Variants in NR1H4 observed in about 807,000 individuals in gnomAD.
The protein encoded by NR1H4 is nuclear receptor subfamily 1 group H member 4.
A neutral mutation model predicts 58.5 loss-of-function variants in NR1H4; 23 were observed. The observed-to-expected ratio is 0.39, with a 90% CI of 0.28 to 0.56. The LOEUF is 0.56. Among genes scored for constraint, NR1H4 ranks in the 20% least tolerant of loss-of-function variants. The pLI is 0.58. For missense variants in NR1H4, 487 were observed against 576.9 expected, an observed-to-expected ratio of 0.84 and a Z score of 1.60; for synonymous variants, 214 against 198.0, an observed-to-expected ratio of 1.08 and a Z score of -0.68.
At chr12:100,549,710 TATA>T (rs1445044719) in intron 9 of NR1H4, among the ~76,000 whole-genome samples, 1 of 152,184 alleles carries the variant, frequency 6.6e-6, no homozygotes, top group Non-Finnish European at 1.5e-5. Flanking sequence ...GTTTCTAGTT[TATA>T]ATAAGATACT....
At chr12:100,560,774 T>C (rs1438018209) in intron 9 of NR1H4, among the ~76,000 whole-genome samples, 3 of 152,118 alleles carry the variant, frequency 2.0e-5, no homozygotes, top group Non-Finnish European at 4.4e-5. Context: ...GCAACTGCAG[T>C]AATCCAGAGG....
intron 4 of NR1H4, among the ~76,000 whole-genome samples, chr12:100,517,543 T>C (rs186962983): frequency 2.0e-5 from 3 of 152,330 alleles, no homozygotes; most frequent in African/African-American, 7.2e-5. Context: ...TGTGGAGATA[T>C]ACCCTGTGGT....
At chr12:100,561,283 A>G (rs1955466611) in intron 9 of NR1H4, among the ~76,000 whole-genome samples, 1 of 152,168 alleles carries the variant, frequency 6.6e-6, no homozygotes, top group Non-Finnish European at 1.5e-5. Context: ...CTGTAGTCCC[A>G]GCTACTGGGG....
In NR1H4 at chr12:100,532,486, C is replaced by T. The variant is rs143504528; in HGVS notation, c.474C>T (p.Asn158=). The T allele has an allele frequency of 9.1e-5, 147 of 1,614,046 alleles. No homozygotes were observed. In the African/African-American group the frequency reaches 9.2e-4, roughly 10 times the overall value. ...TCTTCAGGAGAAGCATTACCAAAAA[C>T]GCTGTGTACAAGTGTAAAAACGGGG... ...KGFFRRSITK[N]AVYKCKNGGN... is the part of the protein sequence containing the mutation. The change falls in exon 5 of 11, where the codon AAC becomes AAT. Residue 158 remains asparagine (N), a synonymous_variant. Coordinates refer to ENST00000392986, the MANE Select transcript of NR1H4 (RefSeq NM_001206979.2).
At chr12:100,518,705 T>A (rs548085488) in intron 4 of NR1H4, among the ~76,000 whole-genome samples, 8 of 151,598 alleles carry the variant, frequency 5.3e-5, no homozygotes, top group African/African-American at 1.9e-4. Flanking sequence ...TATATTTCAG[T>A]AAGCTATACT....
At chr12:100,490,155 A>G (rs1170507037) in intron 1 of NR1H4, among the ~76,000 whole-genome samples, 1 of 152,244 alleles carries the variant, frequency 6.6e-6, no homozygotes, top group Non-Finnish European at 1.5e-5. Flanking sequence ...AGATAATTTA[A>G]TAGAGCCAAC....
intron 5 of NR1H4, among the ~76,000 whole-genome samples, chr12:100,533,849 G>C (rs1954750209): frequency 1.3e-5 from 2 of 151,924 alleles, no homozygotes; most frequent in South Asian, 4.1e-4. Context: ...ACGTTAAATG[G>C]GATGAAGGGA....
chr12:100,547,369 A>G (rs937352308), intron 9 of NR1H4, among the ~76,000 whole-genome samples: 3 of 152,162 alleles, frequency 2.0e-5, no homozygotes, highest in African/African-American at 7.2e-5. Context: ...GACTTCATCC[A>G]CATGATCCAC....
intron 9 of NR1H4, among the ~76,000 whole-genome samples, 193 bp from the exon 10 acceptor site, chr12:100,561,692 T>C (rs1309758184): frequency 6.6e-6 from 1 of 152,238 alleles, no homozygotes; most frequent in Non-Finnish European, 1.5e-5. Flanking sequence ...TTTGGCTATA[T>C]TTTGAGAATT....
intron 9 of NR1H4, among the ~76,000 whole-genome samples, chr12:100,559,870 C>A (rs1384395229): frequency 6.6e-6 from 1 of 152,222 alleles, no homozygotes; most frequent in African/African-American, 2.4e-5. Flanking sequence ...CGTGGAGAGT[C>A]TTTATATCTA....
chr12:100,532,396 C>T, intron 4 of NR1H4, 62 bp from the exon 5 acceptor site: 3 of 1,571,114 alleles, frequency 1.9e-6, no homozygotes, highest in Non-Finnish European at 2.6e-6. Flanking sequence ...TCAATCCAAA[C>T]CTGTTTTTTT....
intron 1 of NR1H4, among the ~76,000 whole-genome samples, chr12:100,481,138 G>A (rs1346767191): frequency 6.6e-6 from 1 of 152,122 alleles, no homozygotes; most frequent in Non-Finnish European, 1.5e-5. Flanking sequence ...CAGACTTTGT[G>A]CATTGATGAG....
chr12:100,503,392 T>C, intron 3 of NR1H4: 1 of 1,596,816 alleles, frequency 6.3e-7, no homozygotes, highest in East Asian at 2.2e-5. Context: ...CTAAGAATGG[T>C]AATGCAGTTT....
intron 9 of NR1H4, among the ~76,000 whole-genome samples, chr12:100,556,105 T>A (rs536972236): frequency 6.6e-6 from 1 of 152,286 alleles, no homozygotes; most frequent in African/African-American, 2.4e-5. Flanking sequence ...GGAAGACTGT[T>A]TTTTAAAAAA....
chr12:100,524,218 A>G (rs2136206478), intron 4 of NR1H4, among the ~76,000 whole-genome samples: 1 of 152,328 alleles, frequency 6.6e-6, no homozygotes, highest in South Asian at 2.1e-4. Flanking sequence ...AAAGTTATAA[A>G]TCTACACTCA....
intron 4 of NR1H4, among the ~76,000 whole-genome samples, chr12:100,512,226 C>G (rs568181923): frequency 1.3e-5 from 2 of 152,050 alleles, no homozygotes; most frequent in South Asian, 2.1e-4. Flanking sequence ...GAGAGAGACC[C>G]TGCCTCAAAA....
chr12:100,481,306 A>T (rs892872756), intron 1 of NR1H4, among the ~76,000 whole-genome samples: 1 of 152,234 alleles, frequency 6.6e-6, no homozygotes, highest in African/African-American at 2.4e-5. Flanking sequence ...GAAAGCATTC[A>T]ACAAATAGCT....
chr12:100,500,235 T>TAA (rs1267625654), intron 3 of NR1H4, among the ~76,000 whole-genome samples: 27 of 152,158 alleles, frequency 1.8e-4, no homozygotes, highest in Non-Finnish European at 3.4e-4. Flanking sequence ...TATCTACCTT[T>TAA]AAAGTCTGCT....
chr12:100,509,964 T>A (rs1014503586), intron 3 of NR1H4, among the ~76,000 whole-genome samples: 1 of 152,312 alleles, frequency 6.6e-6, no homozygotes, highest in South Asian at 2.1e-4. Flanking sequence ...AATACCGATG[T>A]GAATATACAC....
Sources: gnomAD v4.1 joint callset for allele counts (sites outside exome capture counted in the v4.1 genomes callset) on GRCh38, gnomAD v4.1.1 for gene constraint, MANE v1.5 for transcripts, NCBI Gene and HGNC (gene_info 2026-07-23, HGNC 2026-07-21) for gene names.